The following FAT3 variants were observed in gnomAD, a reference collection of about 807,000 sequenced individuals.
FAT3 encodes FAT atypical cadherin 3, also known as protocadherin Fat 3.
In FAT3, 95 loss-of-function variants were observed where a neutral mutation model predicts 310.2. The ratio of observed to expected loss-of-function variants is 0.31; its 90% CI spans 0.26 to 0.36. The LOEUF (loss-of-function observed/expected upper bound fraction) is 0.36, where lower values mean the gene tolerates loss of function less well. Ranked by LOEUF, FAT3 falls within the 10% of genes least tolerant of loss-of-function variation. The pLI is 1.00. For missense variants in FAT3, 5,408 were observed against 5,715.6 expected, an observed-to-expected ratio of 0.95 and a Z score of 1.74; for synonymous variants, 2,314 against 2,192.9, an observed-to-expected ratio of 1.06 and a Z score of -1.54.
At position 92,316,969 on chromosome 11, in the gene FAT3, C is replaced by G. The variant is rs76138647; in HGVS notation, c.-17-35127C>G. On this transcript the variant is annotated intron_variant, in intron 1 of 27. Transcript: ENST00000525166. ...TCATGGAACATATTGGCTGTGCCAC[C>G]AAGGAGGTGGCAGATGAGGATTTGG... Among the ~76,000 whole-genome samples the G allele has an allele frequency of 1.6e-3, 247 of 152,184 alleles. 9 individuals are homozygous for G. The East Asian group carries it at 0.044, about 27-fold the overall frequency.
At chr11:92,867,334 C>A in intron 22 of FAT3, 125 bp downstream of exon 22, 2 of 976,564 alleles carry the variant, frequency 2.0e-6, no homozygotes, top group Non-Finnish European at 2.9e-6. Flanking sequence ...ACCCAAGATG[C>A]TCGCCAACCT....
At chr11:92,381,871 T>C (rs1333204074) in intron 2 of FAT3, among the ~76,000 whole-genome samples, 1 of 152,170 alleles carries the variant, frequency 6.6e-6, no homozygotes, top group Non-Finnish European at 1.5e-5. Context: ...GTGTACCAGG[T>C]GTTAAAAAGA....
At chr11:92,870,845 A>G (rs372889171) in intron 22 of FAT3, among the ~76,000 whole-genome samples, 1 of 152,220 alleles carries the variant, frequency 6.6e-6, no homozygotes, top group Admixed American at 6.5e-5. Context: ...TGGTACTGTG[A>G]TAAGTGCTTA....
chr11:92,795,332 G>C (rs1565599370), intron 9 of FAT3, among the ~76,000 whole-genome samples: 3 of 152,060 alleles, frequency 2.0e-5, no homozygotes, highest in South Asian at 4.2e-4. Flanking sequence ...CTTTGTAGCA[G>C]ATGCTGTGTT....
intron 1 of FAT3, among the ~76,000 whole-genome samples, chr11:92,302,791 A>C (rs191559167): frequency 6.6e-6 from 1 of 152,236 alleles, no homozygotes; most frequent in Admixed American, 6.5e-5. Flanking sequence ...TGGTAGTGTT[A>C]TGTTAATAAG....
At chr11:92,708,866 C>T (rs1478328012) in intron 4 of FAT3, among the ~76,000 whole-genome samples, 1 of 152,186 alleles carries the variant, frequency 6.6e-6, no homozygotes, top group African/African-American at 2.4e-5. Context: ...AAGCTGTAAA[C>T]ATGTAAGTTG....
At chr11:92,384,730 A>G (rs1949579008) in intron 2 of FAT3, among the ~76,000 whole-genome samples, 1 of 152,246 alleles carries the variant, frequency 6.6e-6, no homozygotes, top group Admixed American at 6.5e-5. Context: ...AGGAATTTAA[A>G]GGAGACTAAT....
intron 2 of FAT3, chr11:92,366,428 G>A (rs1431880068): frequency 8.6e-6 from 3 of 349,820 alleles, no homozygotes; most frequent in Non-Finnish European, 1.7e-5. Flanking sequence ...TGTCCAGGAG[G>A]GAGGTGCACA....
intron 19 of FAT3, among the ~76,000 whole-genome samples, chr11:92,846,228 A>G (rs1948679641): frequency 6.6e-6 from 1 of 152,200 alleles, no homozygotes; most frequent in Non-Finnish European, 1.5e-5. Context: ...AGACGAAACT[A>G]TACCAGCTAA....
chr11:92,360,679 G>A (rs996927107), intron 2 of FAT3, among the ~76,000 whole-genome samples: 4 of 152,082 alleles, frequency 2.6e-5, no homozygotes, highest in Non-Finnish European at 5.9e-5. Flanking sequence ...TTTCCAATTG[G>A]CACTTTAATC....
chr11:92,371,999 A>G (rs531658949), intron 2 of FAT3, among the ~76,000 whole-genome samples: 1 of 152,278 alleles, frequency 6.6e-6, no homozygotes, highest in East Asian at 1.9e-4. Context: ...TCACAACAAT[A>G]CTCAGCCTGT....
chr11:92,412,426 G>GTTT (rs1950296302), intron 2 of FAT3, among the ~76,000 whole-genome samples: 1 of 32,094 alleles, frequency 3.1e-5, no homozygotes, highest in Admixed American at 6.5e-4. Flanking sequence ...TTTTTTGAGA[G>GTTT]TTTACCTAGT....
At chr11:92,605,148 A>G (rs751897937) in intron 3 of FAT3, among the ~76,000 whole-genome samples, 5 of 152,226 alleles carry the variant, frequency 3.3e-5, no homozygotes, top group Non-Finnish European at 7.3e-5. Context: ...CCTACCAGGC[A>G]GGAGCATGGA....
intron 4 of FAT3, 50 bp downstream of exon 4, chr11:92,697,495 C>T: frequency 6.6e-7 from 1 of 1,523,610 alleles, no homozygotes; most frequent in Non-Finnish European, 9.1e-7. Context: ...TTTCACTAAA[C>T]TTCTTTAACC....
chr11:92,688,885 C>T (rs888411547), intron 3 of FAT3, among the ~76,000 whole-genome samples: 2 of 152,060 alleles, frequency 1.3e-5, no homozygotes, highest in Admixed American at 1.3e-4. Flanking sequence ...TACTGTAAGC[C>T]TCAATTTCCT....
intron 1 of FAT3, among the ~76,000 whole-genome samples, chr11:92,233,576 C>T (rs144924611): frequency 6.6e-6 from 1 of 152,182 alleles, no homozygotes; most frequent in Non-Finnish European, 1.5e-5. Flanking sequence ...AGGTATAAGT[C>T]GTAATGTATG....
At chr11:92,435,746 T>C (rs1398319506) in intron 2 of FAT3, among the ~76,000 whole-genome samples, 1 of 151,930 alleles carries the variant, frequency 6.6e-6, no homozygotes, top group Non-Finnish European at 1.5e-5. Context: ...GTTGTATTTT[T>C]AGTAGAGAGG....
intron 2 of FAT3, among the ~76,000 whole-genome samples, chr11:92,378,466 A>G (rs1317183305): frequency 6.6e-6 from 1 of 152,140 alleles, no homozygotes; most frequent in Non-Finnish European, 1.5e-5. Context: ...AGCAGGTGCT[A>G]TCTCTTATAC....
At chr11:92,346,616 A>T (rs1264257111) in intron 1 of FAT3, among the ~76,000 whole-genome samples, 10 of 152,128 alleles carry the variant, frequency 6.6e-5, no homozygotes. Context: ...GTTAATATTC[A>T]CGGAATATTT....
Sources: gnomAD v4.1 joint callset for allele counts (sites outside exome capture counted in the v4.1 genomes callset) on GRCh38, gnomAD v4.1.1 for gene constraint, MANE v1.5 for transcripts, NCBI Gene and HGNC (gene_info 2026-07-23, HGNC 2026-07-21) for gene names.